The following RTN4RL1 variants were observed in gnomAD, a reference collection of about 807,000 sequenced individuals.
The protein encoded by RTN4RL1 is reticulon-4 receptor-like 1.
In RTN4RL1, 7 loss-of-function variants were observed where a neutral mutation model predicts 25.6. The ratio of observed to expected loss-of-function variants is 0.27; its 90% CI spans 0.16 to 0.51. The LOEUF (loss-of-function observed/expected upper bound fraction) is 0.51, where lower values mean the gene tolerates loss of function less well. RTN4RL1 is among the 20% of genes least tolerant of loss of function. RTN4RL1 has a pLI of 0.97. For missense variants in RTN4RL1, 500 were observed against 615.6 expected (o/e 0.81, Z 1.99); for synonymous variants, 297 against 288.2 (o/e 1.03, Z -0.31).
rs759154218 is a variant in RTN4RL1 at position 1,936,796 on chromosome 17, C to T, written c.1026G>A (p.Pro342=). The T allele has an allele frequency of 2.4e-5, 38 of 1,584,894 alleles. No homozygotes were observed. In the South Asian group the frequency reaches 3.7e-4, roughly 15 times the overall value. ...TCCTGTGGCCGGGCCGGGGGCCGTG[C>T]GGGTGGCCCTTGCTCCTGGTGGGGC... The part of the protein sequence containing the change: ...PHGPTRSKGH[P]HGPRPGHRKP... Residue 342 remains proline, a synonymous_variant, in exon 2 of 2, where the codon CCG becomes CCA. Transcript: ENST00000331238.
chr17:1,988,403 C>CAAAA (rs398030159), intron 1 of RTN4RL1, among the ~76,000 whole-genome samples: 1 of 77,218 alleles, frequency 1.3e-5, no homozygotes, highest in Non-Finnish European at 2.4e-5. Flanking sequence ...GACTCCGCCT[C>CAAAA]AAAAAAAAAA....
intron 1 of RTN4RL1, among the ~76,000 whole-genome samples, chr17:1,956,440 T>TG (rs372399581): frequency 9.0e-5 from 3 of 33,212 alleles, no homozygotes; most frequent in South Asian, 1.1e-3. Flanking sequence ...GGGGGCCTGG[T>TG]GGGGGGGCGG....
At chr17:1,962,816 C>A (rs150511915) in intron 1 of RTN4RL1, among the ~76,000 whole-genome samples, 78 of 144,694 alleles carry the variant, frequency 5.4e-4, no homozygotes, top group African/African-American at 1.8e-3. Flanking sequence ...GAGCCGAGAT[C>A]GCACCACTGC....
chr17:1,949,697 G>A (rs545924540), intron 1 of RTN4RL1, among the ~76,000 whole-genome samples: 3 of 152,274 alleles, frequency 2.0e-5, no homozygotes, highest in East Asian at 1.9e-4. Context: ...CAAGAGGCTC[G>A]GCTCCTTCCC....
intron 1 of RTN4RL1, among the ~76,000 whole-genome samples, chr17:2,018,356 A>G (rs1004929326): frequency 1.1e-4 from 17 of 152,220 alleles, no homozygotes; most frequent in Admixed American, 4.6e-4. Flanking sequence ...GGAAGAAACC[A>G]GGGCAGGAGA....
At chr17:1,981,512 G>A (rs1037514713) in intron 1 of RTN4RL1, among the ~76,000 whole-genome samples, 2 of 152,146 alleles carry the variant, frequency 1.3e-5, no homozygotes, top group African/African-American at 4.8e-5. Context: ...TTTGCCCTGC[G>A]GCTGCCTCGT....
chr17:1,967,314 C>T (rs1207702885), intron 1 of RTN4RL1, among the ~76,000 whole-genome samples: 1 of 152,188 alleles, frequency 6.6e-6, no homozygotes, highest in Non-Finnish European at 1.5e-5. Context: ...GCATGGATTC[C>T]GCCGGAGGCC....
intron 1 of RTN4RL1, among the ~76,000 whole-genome samples, chr17:1,945,193 C>T (rs1032252428): frequency 1.3e-5 from 2 of 152,152 alleles, no homozygotes; most frequent in Admixed American, 6.5e-5. Context: ...TGCCCCAAGT[C>T]CCCTGAGGCC....
intron 1 of RTN4RL1, among the ~76,000 whole-genome samples, chr17:2,006,919 G>A (rs142094746): frequency 9.1e-4 from 139 of 152,168 alleles, no homozygotes; most frequent in Admixed American, 1.9e-3. Context: ...CACTGTGCCC[G>A]GCCTTTTCTT....
chr17:1,993,086 AG>A (rs915361642), intron 1 of RTN4RL1, among the ~76,000 whole-genome samples: 1 of 151,726 alleles, frequency 6.6e-6, no homozygotes, highest in Non-Finnish European at 1.5e-5. Context: ...CTACTAAAAA[AG>A]AATACAAAAA....
chr17:1,962,803 A>G (rs2066771320), intron 1 of RTN4RL1, among the ~76,000 whole-genome samples: 1 of 148,628 alleles, frequency 6.7e-6, no homozygotes. Context: ...CAGAGGTTGC[A>G]GTGAGCCGAG....
intron 1 of RTN4RL1, among the ~76,000 whole-genome samples, chr17:2,021,439 C>T (rs1597260644): frequency 6.6e-6 from 1 of 152,076 alleles, no homozygotes; most frequent in Admixed American, 6.6e-5. Flanking sequence ...CTTTCAAACC[C>T]TTTTCAGAAT....
chr17:1,983,060 T>A (rs2066874223), intron 1 of RTN4RL1, among the ~76,000 whole-genome samples: 1 of 151,732 alleles, frequency 6.6e-6, no homozygotes, highest in Non-Finnish European at 1.5e-5. Context: ...TCTTTTTTTT[T>A]TTTTTCCTGA....
At position 1,937,191 on chromosome 17, in the gene RTN4RL1, A is replaced by G; in HGVS notation, c.631T>C (p.Trp211Arg). ...RLLLHENQLQWVHHKAFHDLR... is the reference protein window; with the variant it reads ...RLLLHENQLQRVHHKAFHDLR... ...TCGTGGAACGCCTTGTGGTGGACCC[A>G]CTGCAGCTGGTTCTCGTGCAGCAAA... Residue 211 changes from tryptophan (W) to arginine (R), a missense_variant, in exon 2 of 2, where the codon TGG (tryptophan) becomes CGG (arginine). Trp to Arg is a moderately radical substitution (Grantham distance 101, BLOSUM62 -3). This residue lies in a region of RTN4RL1 where 232 missense variants were observed against 341.1 expected (regional missense o/e 0.68). Transcript: ENST00000331238. The G allele has an allele frequency of 6.2e-7, 1 of 1,612,422 alleles. No homozygotes were observed. The highest frequency in any genetic ancestry group is 1.6e-4 in the Middle Eastern group (1 of 6,062).
At chr17:1,986,377 C>T (rs139836568) in intron 1 of RTN4RL1, among the ~76,000 whole-genome samples, 142 of 152,170 alleles carry the variant, frequency 9.3e-4, no homozygotes, top group African/African-American at 3.4e-3. Context: ...TGGTGGCCCC[C>T]CAAAAGGATA....
chr17:1,941,844 C>T (rs1372520547), intron 1 of RTN4RL1, among the ~76,000 whole-genome samples: 3 of 152,190 alleles, frequency 2.0e-5, no homozygotes, highest in Non-Finnish European at 2.9e-5. Context: ...GTGGGTGCCC[C>T]AGTCTTGGAC....
Position 2,010,264 on chromosome 17 carries a change from C to A in RTN4RL1, c.13+14589G>T, listed in dbSNP as rs376322426. Among the ~76,000 whole-genome samples, 14 of 132,626 alleles carry A rather than the reference C, an allele frequency of 1.1e-4. 5 individuals carry two copies. In the East Asian group the frequency reaches 3.7e-3, roughly 35 times the overall value. The allele number at this position is 132,626 out of a possible 152,430, so 87.0% of individuals were successfully genotyped here. On this transcript the variant is annotated intron_variant, in intron 1 of 1. Transcript: ENST00000331238. Reference sequence around the variant, plus strand: ...TTGAGGCCAGGAGTTCAAGACCAGCCTGGCCTACATGGTGAAACCCCATCT... The same window carrying A: ...TTGAGGCCAGGAGTTCAAGACCAGCATGGCCTACATGGTGAAACCCCATCT...
At chr17:2,019,897 A>C (rs2067178400) in intron 1 of RTN4RL1, 1 of 152,246 alleles carries the variant, frequency 6.6e-6, no homozygotes. Context: ...ATGTTGTCTG[A>C]GCTCACAGGG....
At chr17:1,942,365 G>C (rs566724836) in intron 1 of RTN4RL1, among the ~76,000 whole-genome samples, 1 of 126,582 alleles carries the variant, frequency 7.9e-6, no homozygotes, top group Non-Finnish European at 1.7e-5. Flanking sequence ...ATGACTGGGT[G>C]GGGGGATACG....
Sources: allele counts gnomAD v4.1 joint callset (sites outside exome capture counted in the v4.1 genomes callset), GRCh38; gene constraint gnomAD v4.1.1; regional missense constraint gnomAD v4.1.1; transcripts MANE v1.5; gene names NCBI Gene and HGNC (gene_info 2026-07-23, HGNC 2026-07-21).